Variants in PLXDC2 observed in about 807,000 individuals in gnomAD.
PLXDC2 encodes the protein plexin domain-containing protein 2.
In PLXDC2, 40 loss-of-function variants were observed where a neutral mutation model predicts 68.9. The ratio of observed to expected loss-of-function variants is 0.58; its 90% confidence interval spans 0.45 to 0.76. PLXDC2 has a LOEUF of 0.76. Among genes scored for constraint, PLXDC2 ranks in the 30% least tolerant of loss-of-function variants. PLXDC2 has a pLI of 0.00. For missense variants in PLXDC2, 644 were observed against 661.9 expected (o/e 0.97, Z 0.30); for synonymous variants, 243 against 234.2 (o/e 1.04, Z -0.34).
intron 3 of PLXDC2, among the ~76,000 whole-genome samples, chr10:20,052,412 A>G (rs1023120829): frequency 6.6e-6 from 1 of 151,918 alleles, no homozygotes; most frequent in Non-Finnish European, 1.5e-5. Flanking sequence ...CAAAATTTTA[A>G]TATTAAGGTA....
chr10:20,072,434 G>GA (rs747797553), intron 4 of PLXDC2, among the ~76,000 whole-genome samples: 15 of 98,860 alleles, frequency 1.5e-4, no homozygotes, highest in East Asian at 4.6e-4. Flanking sequence ...GAGAAAGAAA[G>GA]AAGAAAGAAG....
chr10:20,081,886 T>A (rs181609877), intron 4 of PLXDC2, among the ~76,000 whole-genome samples: 100 of 149,812 alleles, frequency 6.7e-4, no homozygotes, highest in African/African-American at 2.2e-3. Context: ...TAGAAAAAAA[T>A]TTTAAAAAAT....
chr10:20,011,738 A>G (rs1835118099), intron 2 of PLXDC2, among the ~76,000 whole-genome samples: 1 of 152,226 alleles, frequency 6.6e-6, no homozygotes, highest in South Asian at 2.1e-4. Context: ...GTTGGCACAG[A>G]CATGCTGATA....
At chr10:19,931,884 A>G (rs1016641465) in intron 1 of PLXDC2, among the ~76,000 whole-genome samples, 2 of 152,174 alleles carry the variant, frequency 1.3e-5, no homozygotes, top group Admixed American at 6.5e-5. Context: ...AGCTTCAAGG[A>G]TGAAAAATTC....
At chr10:20,134,245 T>G (rs1339729198) in intron 4 of PLXDC2, among the ~76,000 whole-genome samples, 2 of 152,198 alleles carry the variant, frequency 1.3e-5, no homozygotes, top group Admixed American at 6.5e-5. Context: ...GGTGCTTTAT[T>G]TGGTTATCTT....
In PLXDC2 at chr10:19,845,755, C is replaced by A. The variant is rs113873409; in HGVS notation, c.112+28564C>A. Among the ~76,000 whole-genome samples, 839 of 152,276 alleles carry A rather than the reference C, an allele frequency of 5.5e-3. 6 individuals carry two copies. The highest frequency in any genetic ancestry group is 0.019 in the African/African-American group (797 of 41,558). On this transcript the variant is annotated intron_variant, in intron 1 of 13. Transcript: ENST00000377252. The stretch of plus-strand genomic sequence containing the variant: ...GTTCTATTTATACCACTTTTAATTA[C>A]ATGCAAATCAGGAGGCAGTTCATGC...
At chr10:20,103,415 G>A (rs1833447934) in intron 4 of PLXDC2, among the ~76,000 whole-genome samples, 1 of 152,058 alleles carries the variant, frequency 6.6e-6, no homozygotes, top group Admixed American at 6.5e-5. Context: ...CTTTGAAAAA[G>A]CCCTGGGCAC....
At chr10:20,078,310 A>T (rs1470102346) in intron 4 of PLXDC2, among the ~76,000 whole-genome samples, 2 of 152,114 alleles carry the variant, frequency 1.3e-5, no homozygotes, top group Non-Finnish European at 2.9e-5. Flanking sequence ...TTGAGGCCAG[A>T]TGTTCAAGGC....
In PLXDC2 at chr10:19,828,608, A is replaced by T. The variant is rs79887899; in HGVS notation, c.112+11417A>T. 2.5e-3 allele frequency among the ~76,000 whole-genome samples: 377 copies of T among 152,324 alleles called. 10 individuals carry two copies. The East Asian group carries it at 0.054, about 22-fold the overall frequency. On this transcript the variant is annotated intron_variant, in intron 1 of 13. Coordinates refer to ENST00000377252, the MANE Select transcript of PLXDC2 (RefSeq NM_032812.9). ...CTGTTGTTCATTTCAGATATTTTTAAAAACAAGCAAGATTTAAAGTCATTC... is the reference window on the plus strand; with the variant it reads ...CTGTTGTTCATTTCAGATATTTTTATAAACAAGCAAGATTTAAAGTCATTC...
chr10:19,997,919 A>T (rs1461857719), intron 1 of PLXDC2, among the ~76,000 whole-genome samples: 1 of 152,246 alleles, frequency 6.6e-6, no homozygotes, highest in African/African-American at 2.4e-5. Context: ...TTGTATTTAC[A>T]GAAATGTGTT....
chr10:20,242,088 C>A (rs560960194), intron 12 of PLXDC2, among the ~76,000 whole-genome samples: 99 of 152,186 alleles, frequency 6.5e-4, no homozygotes, highest in African/African-American at 2.4e-3. Context: ...TCAAAAATAT[C>A]TACTATTTTT....
chr10:20,276,297 C>T (rs940217086), intron 13 of PLXDC2, among the ~76,000 whole-genome samples: 2 of 152,148 alleles, frequency 1.3e-5, no homozygotes, highest in South Asian at 4.1e-4. Flanking sequence ...TCTCCAGCTG[C>T]GGTTTTGTGT....
At chr10:20,112,259 A>C (rs1180925163) in intron 4 of PLXDC2, among the ~76,000 whole-genome samples, 1 of 152,128 alleles carries the variant, frequency 6.6e-6, no homozygotes, top group Non-Finnish European at 1.5e-5. Flanking sequence ...GAAAAGACCA[A>C]GATAGCAATT....
chr10:20,151,266 A>C (rs1406813253), intron 6 of PLXDC2, among the ~76,000 whole-genome samples: 2 of 152,200 alleles, frequency 1.3e-5, no homozygotes, highest in Admixed American at 1.3e-4. Context: ...TGATAGCATA[A>C]AATAGTAGTT....
intron 1 of PLXDC2, among the ~76,000 whole-genome samples, chr10:19,932,522 A>G (rs535238894): frequency 6.6e-6 from 1 of 152,196 alleles, no homozygotes; most frequent in Non-Finnish European, 1.5e-5. Flanking sequence ...TTCACACACT[A>G]TACAGCGTTT....
At chr10:19,823,533 A>G (rs571192041) in intron 1 of PLXDC2, among the ~76,000 whole-genome samples, 1 of 152,074 alleles carries the variant, frequency 6.6e-6, no homozygotes, top group Non-Finnish European at 1.5e-5. Context: ...AATAAAAAAA[A>G]TTAGCCAGGC....
intron 1 of PLXDC2, among the ~76,000 whole-genome samples, chr10:19,905,692 T>C (rs1833146210): frequency 6.6e-6 from 1 of 152,198 alleles, no homozygotes; most frequent in Admixed American, 6.5e-5. Flanking sequence ...TTAGAATAAT[T>C]AGCTCCTTTT....
intron 13 of PLXDC2, among the ~76,000 whole-genome samples, chr10:20,274,635 A>G (rs1835982029): frequency 6.6e-6 from 1 of 152,156 alleles, no homozygotes; most frequent in African/African-American, 2.4e-5. Context: ...AGCAATTACA[A>G]TGCTCCTGCT....
chr10:19,992,706 C>G (rs147821261), intron 1 of PLXDC2, among the ~76,000 whole-genome samples: 1 of 152,138 alleles, frequency 6.6e-6, no homozygotes, highest in Non-Finnish European at 1.5e-5. Flanking sequence ...AAAACAACAA[C>G]CAATATTACT....
Sources: gnomAD v4.1 joint callset for allele counts (sites outside exome capture counted in the v4.1 genomes callset) on GRCh38, gnomAD v4.1.1 for gene constraint, MANE v1.5 for transcripts, NCBI Gene and HGNC (gene_info 2026-07-23, HGNC 2026-07-21) for gene names.